The following EYA4 variants were observed in gnomAD, a reference collection of about 807,000 sequenced individuals.
The protein encoded by EYA4 is protein phosphatase EYA4.
EYA4 carries 31 observed loss-of-function variants against 87.9 expected under a neutral mutation model. That is an observed-to-expected ratio of 0.35 (90% confidence interval 0.27 to 0.48). EYA4 has a LOEUF of 0.48. Ranked by LOEUF, EYA4 falls within the 20% of genes least tolerant of loss-of-function variation. EYA4 has a pLI of 0.99. For synonymous variants in EYA4, 263 were observed against 270.6 expected, an observed-to-expected ratio of 0.97 and a Z score of 0.28; for missense variants, 678 against 761.4, an observed-to-expected ratio of 0.89 and a Z score of 1.29.
At chr6:133,449,275 A>G (rs2128628767) in intron 5 of EYA4, among the ~76,000 whole-genome samples, 1 of 152,346 alleles carries the variant, frequency 6.6e-6, no homozygotes, top group South Asian at 2.1e-4. Flanking sequence ...TGGTCCAATA[A>G]AACTTCATGG....
rs562511538 is a variant in EYA4 at position 133,376,763 on chromosome 6, A to G, written c.34-5629A>G. 2.0e-5 allele frequency among the ~76,000 whole-genome samples: 3 copies of G among 152,092 alleles called. No homozygotes were observed. In the East Asian group the frequency reaches 5.8e-4, roughly 29 times the overall value. ...TTCCAAAGAGTCCAGAAATTATGGTATTTTCTACATATATTTTCCAGATAT... is the reference window on the plus strand; with the variant it reads ...TTCCAAAGAGTCCAGAAATTATGGTGTTTTCTACATATATTTTCCAGATAT... On this transcript the variant is annotated intron_variant, in intron 2 of 19. Coordinates refer to ENST00000355286, the MANE Select transcript of EYA4 (RefSeq NM_004100.5).
At chr6:133,326,581 C>T (rs12527527) in intron 2 of EYA4, among the ~76,000 whole-genome samples, 66,395 of 152,066 alleles carry the variant, frequency 0.44, 15,216 homozygotes, top group Non-Finnish European at 0.52. Flanking sequence ...ATCAGCGTTA[C>T]TATTGTTGAC....
chr6:133,285,968 C>T (rs998893717), intron 2 of EYA4, among the ~76,000 whole-genome samples: 2 of 152,148 alleles, frequency 1.3e-5, no homozygotes, highest in African/African-American at 4.8e-5. Flanking sequence ...GTGTTTTCAC[C>T]AACCCTCTTT....
chr6:133,476,463 T>TCAA (rs1338029772), intron 11 of EYA4, among the ~76,000 whole-genome samples: 1 of 152,116 alleles, frequency 6.6e-6, no homozygotes, highest in Non-Finnish European at 1.5e-5. Context: ...TTCTACGAGT[T>TCAA]CAACTTTTTT....
chr6:133,318,020 G>T (rs902943951), intron 2 of EYA4, among the ~76,000 whole-genome samples: 1 of 152,018 alleles, frequency 6.6e-6, no homozygotes, highest in Non-Finnish European at 1.5e-5. Flanking sequence ...ATCTCATAAT[G>T]AAACTTGCTT....
At chr6:133,320,734 G>A (rs1250684385) in intron 2 of EYA4, among the ~76,000 whole-genome samples, 2 of 151,910 alleles carry the variant, frequency 1.3e-5, no homozygotes, top group Non-Finnish European at 2.9e-5. Context: ...TTATGTTCAT[G>A]TGTACCCATT....
At chr6:133,324,904 A>ATT (rs756478373) in intron 2 of EYA4, among the ~76,000 whole-genome samples, 4,011 of 83,576 alleles carry the variant, frequency 0.048, 553 homozygotes, top group African/African-American at 0.14. Context: ...TTCAGAAGCT[A>ATT]TTTTTTTTTT....
At chr6:133,305,616 A>T (rs536305937) in intron 2 of EYA4, among the ~76,000 whole-genome samples, 11 of 152,280 alleles carry the variant, frequency 7.2e-5, no homozygotes, top group Admixed American at 2.0e-4. Flanking sequence ...GCTGGCTAAG[A>T]TAATAATTGC....
intron 2 of EYA4, among the ~76,000 whole-genome samples, chr6:133,320,128 T>A (rs1341021230): frequency 6.6e-6 from 1 of 151,878 alleles, no homozygotes; most frequent in African/African-American, 2.4e-5. Context: ...GAGTTTTCGA[T>A]GACCATTCCT....
chr6:133,451,040 T>C (rs1317055178), intron 5 of EYA4, among the ~76,000 whole-genome samples: 1 of 152,228 alleles, frequency 6.6e-6, no homozygotes, highest in Non-Finnish European at 1.5e-5. Context: ...ATAGCATAAA[T>C]GCAAGCATAC....
At chr6:133,403,625 A>T (rs961803289) in intron 3 of EYA4, among the ~76,000 whole-genome samples, 11 of 152,324 alleles carry the variant, frequency 7.2e-5, no homozygotes, top group African/African-American at 2.6e-4. Flanking sequence ...TCTTGATATC[A>T]AGCAATATTT....
intron 3 of EYA4, among the ~76,000 whole-genome samples, chr6:133,392,152 C>G (rs1787357270): frequency 6.6e-6 from 1 of 152,100 alleles, no homozygotes; most frequent in Non-Finnish European, 1.5e-5. Context: ...TTTGGCCTCC[C>G]TATACCCATC....
At chr6:133,417,418 A>G (rs1240225869) in intron 3 of EYA4, among the ~76,000 whole-genome samples, 2 of 152,198 alleles carry the variant, frequency 1.3e-5, no homozygotes, top group Non-Finnish European at 2.9e-5. Context: ...CGTGTTTCAG[A>G]CCTGAGACAG....
At chr6:133,418,852 C>T (rs369304615) in intron 3 of EYA4, among the ~76,000 whole-genome samples, 2 of 152,050 alleles carry the variant, frequency 1.3e-5, no homozygotes, top group South Asian at 2.1e-4. Flanking sequence ...AGAGAGAAAA[C>T]GGTAAACCCA....
intron 17 of EYA4, among the ~76,000 whole-genome samples, chr6:133,521,935 A>T (rs1800189804): frequency 7.5e-6 from 1 of 133,352 alleles, no homozygotes; most frequent in South Asian, 2.7e-4. Context: ...TGGACACAGG[A>T]AGGGGAATAT....
At chr6:133,328,981 G>T (rs966765070) in intron 2 of EYA4, among the ~76,000 whole-genome samples, 1 of 152,074 alleles carries the variant, frequency 6.6e-6, no homozygotes, top group Non-Finnish European at 1.5e-5. Context: ...CCCACTCAGT[G>T]TGTTTCTGTG....
At chr6:133,297,913 A>G (rs1293919005) in intron 2 of EYA4, among the ~76,000 whole-genome samples, 1 of 152,206 alleles carries the variant, frequency 6.6e-6, no homozygotes, top group Non-Finnish European at 1.5e-5. Context: ...CTTCACAACC[A>G]TTCACTCAGT....
rs549361750 is a variant in EYA4 at position 133,296,914 on chromosome 6, A to G, written c.33+22101A>G. Among the ~76,000 whole-genome samples the G allele has an allele frequency of 4.6e-5, 7 of 152,286 alleles. No individual in the cohort carries two copies. In the East Asian group the frequency reaches 1.4e-3, roughly 29 times the overall value. The stretch of plus-strand genomic sequence containing the variant: ...GTTGTTGTCATTGAATCTATCAACT[A>G]GCAAGACAGGTGTGTTAAATTTCCC... On this transcript the variant is annotated intron_variant, in intron 2 of 19. Coordinates refer to ENST00000355286, the MANE Select transcript of EYA4 (RefSeq NM_004100.5).
At chr6:133,306,748 C>T (rs1217686192) in intron 2 of EYA4, among the ~76,000 whole-genome samples, 1 of 151,968 alleles carries the variant, frequency 6.6e-6, no homozygotes. Flanking sequence ...GTTATTTCTA[C>T]AAATCAAATA....
Sources: allele counts gnomAD v4.1 joint callset (sites outside exome capture counted in the v4.1 genomes callset), GRCh38; gene constraint gnomAD v4.1.1; transcripts MANE v1.5; gene names NCBI Gene and HGNC (gene_info 2026-07-23, HGNC 2026-07-21).